PSG2: variants seen among roughly 807,000 people sequenced by gnomAD.
The protein encoded by PSG2 is pregnancy specific beta-1-glycoprotein 2.
Under a neutral mutation model 36.2 loss-of-function variants are expected in PSG2, and 49 were observed. The observed-to-expected ratio is 1.35, with a 90% CI of 1.08 to 1.72. PSG2 has a LOEUF of 1.72. PSG2 is among the 40% of genes most tolerant of loss of function. The probability of loss-of-function intolerance (pLI) is 0.00; values close to 1 mark genes in which losing one functional copy is unlikely to be tolerated. For missense variants in PSG2, 605 were observed against 407.2 expected (o/e 1.49, Z -4.18); for synonymous variants, 261 against 155.6 (o/e 1.68, Z -5.04).
chr19:43,075,592 GT>G lies in PSG2; in HGVS notation c.470del (p.Asn157ThrfsTer9). 2 of 1,613,202 alleles carry G rather than the reference GT, an allele frequency of 1.2e-6. No homozygotes were observed. Among genetic ancestry groups the G allele is most frequent in the Non-Finnish European group, 1.7e-6 (2 of 1,179,762 alleles). On this transcript the variant is annotated frameshift_variant, in exon 3 of 6. Transcript: ENST00000406487. LOFTEE classifies it high-confidence loss of function. ...PKPSISSSNL[N>X]PREAMETVIL... ...TCACAGTTTCCATGGCCTCCCTGGGGTTTAAGTTGCTGCTGGAGATGGAGGG... is the reference window on the plus strand; with the variant it reads ...TCACAGTTTCCATGGCCTCCCTGGGGTTAAGTTGCTGCTGGAGATGGAGGG...
At chr19:43,080,811 C>T (rs1477995575) in intron 2 of PSG2, 70 bp downstream of exon 2, 32 of 1,611,832 alleles carry the variant, frequency 2.0e-5, no homozygotes, top group Admixed American at 8.3e-5. Context: ...CTAGGCCTGA[C>T]AATCCTGTGT....
rs747707991 is a variant in PSG2 at position 43,081,235 on chromosome 19, T to A, written c.76A>T (p.Asn26Tyr). ...GCAGTGGTGGGCAGGTTCCAGAAGT[T>A]TAAAAGTGATGCTAGGAGGTGGAGA... ...KGLLVTASLL[N>Y]FWNLPTTAQV... Residue 26 changes from asparagine (N) to tyrosine (Y), a missense_variant, in exon 2 of 6, where the codon AAC becomes TAC. Coordinates refer to ENST00000406487, the MANE Select transcript of PSG2 (RefSeq NM_031246.4). 6.2e-7 allele frequency: 1 copy of A among 1,611,766 alleles called. No individual in the cohort carries two copies. Among genetic ancestry groups the A allele is most frequent in the Non-Finnish European group, 8.5e-7 (1 of 1,179,264 alleles).
chr19:43,082,588 G>C lies in PSG2; in HGVS notation c.-19C>G. 1 of 1,610,556 alleles carries C rather than the reference G, an allele frequency of 6.2e-7. No homozygotes were observed. The highest frequency in any genetic ancestry group is 1.1e-5 in the South Asian group (1 of 91,000). On this transcript the variant is annotated 5_prime_UTR_variant, in exon 1 of 6. Coordinates refer to ENST00000406487, the MANE Select transcript of PSG2 (RefSeq NM_031246.4). ...GCCCCATGGTCTCTGCTGCCTGTGT[G>C]TTCTCCTCTGTGGAGATGAGCCTAG...
chr19:43,067,784 A>G (rs1191184818), intron 4 of PSG2, among the ~76,000 whole-genome samples: 1 of 151,398 alleles, frequency 6.6e-6, no homozygotes, highest in Non-Finnish European at 1.5e-5. Context: ...AAAGAATGGT[A>G]TGAAGAAAGC....
intron 3 of PSG2, chr19:43,072,497 G>A (rs1599707135): frequency 6.2e-6 from 10 of 1,611,096 alleles, no homozygotes; most frequent in East Asian, 2.2e-5. Flanking sequence ...GGGACTGACC[G>A]GGAGGCTCTG....
At chr19:43,066,671 G>T (rs374036516) in intron 4 of PSG2, 71 bp from the exon 5 acceptor site, 6 of 1,459,178 alleles carry the variant, frequency 4.1e-6, no homozygotes, top group South Asian at 2.3e-5. Context: ...TCAGGAACAA[G>T]CATGTAACAT....
At chr19:43,068,388 A>G (rs1429761406) in intron 4 of PSG2, among the ~76,000 whole-genome samples, 4 of 151,072 alleles carry the variant, frequency 2.6e-5, no homozygotes, top group Non-Finnish European at 4.4e-5. Context: ...GCAGTGAGCC[A>G]TAATCACACA....
chr19:43,068,181 A>T (rs1165169975), intron 4 of PSG2, among the ~76,000 whole-genome samples: 1 of 151,476 alleles, frequency 6.6e-6, no homozygotes, highest in African/African-American at 2.4e-5. Context: ...TCATGTTTTA[A>T]TCCTAGCACT....
chr19:43,070,750 A>G (rs1311851716), intron 4 of PSG2, among the ~76,000 whole-genome samples: 1 of 151,678 alleles, frequency 6.6e-6, no homozygotes. Flanking sequence ...TGGTAAGAGG[A>G]AAAAGTTCTG....
chr19:43,069,440 C>T (rs1321831507), intron 4 of PSG2, among the ~76,000 whole-genome samples: 1 of 151,748 alleles, frequency 6.6e-6, no homozygotes, highest in Non-Finnish European at 1.5e-5. Flanking sequence ...GGAGGACTCA[C>T]ACTTTCTGAT....
chr19:43,066,930 G>C (rs528825221), intron 4 of PSG2, among the ~76,000 whole-genome samples: 1 of 151,106 alleles, frequency 6.6e-6, no homozygotes, highest in African/African-American at 2.5e-5. Context: ...TCTTTTTCTC[G>C]GTGTTTCTGT....
At chr19:43,079,414 G>C (rs1232536364) in intron 2 of PSG2, among the ~76,000 whole-genome samples, 4 of 151,556 alleles carry the variant, frequency 2.6e-5, no homozygotes, top group African/African-American at 9.7e-5. Flanking sequence ...GACAGGTGTG[G>C]CTAGGACCTC....
intron 4 of PSG2, among the ~76,000 whole-genome samples, chr19:43,066,954 A>G (rs1194375791): frequency 6.6e-6 from 1 of 151,306 alleles, no homozygotes; most frequent in African/African-American, 2.4e-5. Context: ...GGCAGTCATG[A>G]ATGAGACTCT....
chr19:43,073,845 T>A (rs1267673583), intron 3 of PSG2, among the ~76,000 whole-genome samples: 1 of 151,798 alleles, frequency 6.6e-6, no homozygotes, highest in Admixed American at 6.6e-5. Flanking sequence ...ATTTTTTGAT[T>A]CTGAAATATT....
In PSG2 at chr19:43,075,444, C is replaced by A. The variant is rs772108841; in HGVS notation, c.619G>T (p.Val207Phe). The change falls in exon 3 of 6, where the codon GTC becomes TTC. Residue 207 changes from valine to phenylalanine, a missense_variant. Transcript: ENST00000406487. ...TAGGGTCCTGCAGTATACTTTGTGACACCAAATAGAAAGAGGGTCCTGTTG... is the reference window on the plus strand; with the variant it reads ...TAGGGTCCTGCAGTATACTTTGTGAAACCAAATAGAAAGAGGGTCCTGTTG... ...ETNRTLFLFG[V>F]TKYTAGPYEC... 3 of 1,613,062 alleles carry A rather than the reference C, an allele frequency of 1.9e-6. No homozygotes were observed. The highest frequency in any genetic ancestry group is 2.7e-5 in the African/African-American group (2 of 74,440).
At position 43,071,865 on chromosome 19, in the gene PSG2, G is replaced by T. The variant is rs1321509293; in HGVS notation, c.799C>A (p.Pro267Thr). The T allele has an allele frequency of 5.6e-6, 9 of 1,613,024 alleles. 1 individual carries two copies. Among genetic ancestry groups the T allele is most frequent in the Non-Finnish European group, 5.9e-6 (7 of 1,179,636 alleles). ...LYLSCFANSN[P>T]PAQYSWTING... ...ATTGTCCAAGAATACTGTGCCGGTG[G>T]GTTAGAGTTCGCGAAGCAAGACAAG... The change falls in exon 4 of 6, where the codon CCA (proline) becomes ACA (threonine). Residue 267 changes from proline to threonine, a missense_variant. Pro to Thr is a conservative substitution (Grantham distance 38). Transcript: ENST00000406487.
At chr19:43,074,006 G>T (rs976021925) in intron 3 of PSG2, among the ~76,000 whole-genome samples, 1 of 151,432 alleles carries the variant, frequency 6.6e-6, no homozygotes, top group African/African-American at 2.4e-5. Flanking sequence ...CTCTCACCAC[G>T]TTTCTGGCTT....
Position 43,071,808 on chromosome 19 carries a change from G to A in PSG2, c.856C>T (p.Leu286=), listed in dbSNP as rs773176193. The A allele has an allele frequency of 6.2e-7, 1 of 1,613,034 alleles. No individual in the cohort carries two copies. The highest frequency in any genetic ancestry group is 1.7e-5 in the Admixed American group (1 of 59,960). Residue 286 remains leucine, a synonymous_variant, in exon 4 of 6, where the codon CTG becomes TTG. Transcript: ENST00000406487. ...NGKFQQSGQN[L]FIPQITTKHS... Reference sequence around the variant, plus strand: ...TTTGTAGTAATTTGGGGGATAAACAGATTTTGTCCTGATTGCTGAAACTTC... The same window carrying A: ...TTTGTAGTAATTTGGGGGATAAACAAATTTTGTCCTGATTGCTGAAACTTC...
intron 3 of PSG2, among the ~76,000 whole-genome samples, chr19:43,074,451 G>C (rs775221716): frequency 5.3e-5 from 8 of 151,628 alleles, no homozygotes; most frequent in East Asian, 1.9e-4. Context: ...TATTCCTTTT[G>C]ATGTTAATGT....
Sources: gnomAD v4.1 joint callset for allele counts (sites outside exome capture counted in the v4.1 genomes callset) on GRCh38, gnomAD v4.1.1 for gene constraint, MANE v1.5 for transcripts, NCBI Gene and HGNC (gene_info 2026-07-23, HGNC 2026-07-21) for gene names.